Variants in ABCA10 observed in about 807,000 individuals in gnomAD.
ABCA10 encodes the protein ATP binding cassette subfamily A member 10.
In ABCA10, 169 loss-of-function variants were observed where a neutral mutation model predicts 187.5. The ratio of observed to expected loss-of-function variants is 0.90; its 90% CI spans 0.80 to 1.02. The LOEUF (loss-of-function observed/expected upper bound fraction) is 1.02. ABCA10 is among the 50% of genes least tolerant of loss of function. The pLI is 0.00. For synonymous variants in ABCA10, 574 were observed against 601.8 expected (o/e 0.95, Z 0.68); for missense variants, 1,727 against 1,812.4 (o/e 0.95, Z 0.86).
intron 28 of ABCA10, among the ~76,000 whole-genome samples, chr17:69,156,408 A>G (rs946268989): frequency 1.9e-4 from 29 of 152,294 alleles, no homozygotes; most frequent in African/African-American, 6.7e-4. Flanking sequence ...ATCAGAACCT[A>G]TGACTTAGAA....
intron 22 of ABCA10, among the ~76,000 whole-genome samples, chr17:69,181,724 A>G (rs2074382116): frequency 6.6e-6 from 1 of 152,066 alleles, no homozygotes; most frequent in Non-Finnish European, 1.5e-5. Context: ...AATAAGTAAT[A>G]GCAAACATGT....
intron 1 of ABCA10, among the ~76,000 whole-genome samples, chr17:69,239,733 GCTCT>G (rs2074893182): frequency 6.6e-6 from 1 of 152,066 alleles, no homozygotes. Context: ...CACCCCCATT[GCTCT>G]CTGTGAGCCC....
chr17:69,150,286 T>C (rs547307595), intron 36 of ABCA10: 59 of 421,212 alleles, frequency 1.4e-4, no homozygotes, highest in African/African-American at 7.3e-4. Flanking sequence ...TTCTGAGAAA[T>C]AGCTCTGATT....
intron 25 of ABCA10, among the ~76,000 whole-genome samples, chr17:69,166,287 C>T (rs1009835259): frequency 1.3e-5 from 2 of 151,424 alleles, no homozygotes; most frequent in Middle Eastern, 6.8e-3. Flanking sequence ...TAGGAATTGC[C>T]ACTAGTGATT....
intron 25 of ABCA10, among the ~76,000 whole-genome samples, chr17:69,167,715 T>C (rs189266312): frequency 6.6e-6 from 1 of 152,284 alleles, no homozygotes; most frequent in East Asian, 1.9e-4. Context: ...TTAGACAATC[T>C]GAAAGAAGGA....
chr17:69,216,433 A>T lies in ABCA10; in HGVS notation c.531-75T>A, dbSNP rs9912127. 103 of 1,472,294 alleles carry T rather than the reference A, an allele frequency of 7.0e-5. 1 individual carries two copies. The highest frequency in any genetic ancestry group is 8.8e-5 in the Non-Finnish European group (97 of 1,099,164). The allele number at this position is 1,472,294 out of a possible 1,614,324, so 91.2% of individuals were successfully genotyped here. A position where few individuals can be genotyped will look rare whatever the true frequency, so the allele number is the denominator to read the frequency against. On this transcript the variant is annotated intron_variant, in intron 6 of 38. Transcript: ENST00000690296. ...GGAGAGGTAATGTGCGAAATGGTTA[A>T]GAGTAAAAGCTCTGAAATCAGGACT...
chr17:69,191,082 A>G (rs1598105787), intron 17 of ABCA10, 94 bp downstream of exon 17: 1 of 1,148,772 alleles, frequency 8.7e-7, no homozygotes, highest in East Asian at 3.0e-5. Context: ...TCATTTGTAT[A>G]AGCTTTAGAA....
chr17:69,223,656 T>C (rs1185767754), intron 3 of ABCA10: 11 of 449,112 alleles, frequency 2.4e-5, no homozygotes, highest in Admixed American at 2.2e-4. Context: ...CTTCCCAATA[T>C]AGAGTCAGGC....
At chr17:69,231,632 A>C (rs2074832627), upstream of ABCA10, among the ~76,000 whole-genome samples, 1 of 152,088 alleles carries the variant, frequency 6.6e-6, no homozygotes, top group African/African-American at 2.4e-5. Context: ...CAGAAAAGCT[A>C]CTTGATGTAA....
chr17:69,190,129 C>G (rs1252819019), intron 18 of ABCA10, among the ~76,000 whole-genome samples: 1 of 152,010 alleles, frequency 6.6e-6, no homozygotes, highest in Non-Finnish European at 1.5e-5. Flanking sequence ...GGGAAGCAGA[C>G]AGATGTTGGA....
chr17:69,235,435 T>C (rs1201209168), intron 1 of ABCA10, among the ~76,000 whole-genome samples: 1 of 152,218 alleles, frequency 6.6e-6, no homozygotes, highest in Non-Finnish European at 1.5e-5. Context: ...CCTCTTACTT[T>C]GTTCTAACCT....
intron 10 of ABCA10, among the ~76,000 whole-genome samples, chr17:69,199,122 C>A (rs2074525773): frequency 6.6e-6 from 1 of 152,154 alleles, no homozygotes; most frequent in Admixed American, 6.5e-5. Context: ...CTTCACATAC[C>A]CCACCATACT....
At position 69,182,825 on chromosome 17, in the gene ABCA10, A is replaced by G; in HGVS notation, c.2498-17T>C. The G allele has an allele frequency of 6.7e-7, 1 of 1,481,498 alleles. No homozygotes were observed. Among genetic ancestry groups the G allele is most frequent in the East Asian group, 2.3e-5 (1 of 43,306 alleles). 91.8% of individuals were successfully genotyped at this position (1,481,498 alleles called of 1,614,324 possible). A position where few individuals can be genotyped will look rare whatever the true frequency, so the allele number is the denominator to read the frequency against. ...TATTTGATCCTAACATAGTGGAAGGAAGGCAACAAGAAAAAAAAAAAAAAA... is the reference window on the plus strand; with the variant it reads ...TATTTGATCCTAACATAGTGGAAGGGAGGCAACAAGAAAAAAAAAAAAAAA... On this transcript the variant is annotated splice_polypyrimidine_tract_variant and intron_variant, in intron 20 of 38. Coordinates refer to ENST00000690296, the MANE Select transcript of ABCA10 (RefSeq NM_001377321.1).
At chr17:69,240,522 G>T (rs1420068735) in intron 1 of ABCA10, among the ~76,000 whole-genome samples, 1 of 152,182 alleles carries the variant, frequency 6.6e-6, no homozygotes, top group African/African-American at 2.4e-5. Flanking sequence ...TGGAGGGTTT[G>T]GAGTGGCTAA....
chr17:69,191,382 GT>G, intron 16 of ABCA10, 67 bp from the exon 17 acceptor site: 1 of 1,392,156 alleles, frequency 7.2e-7, no homozygotes, highest in Non-Finnish European at 9.4e-7. Context: ...TGAAAAGATA[GT>G]TTTCTATTAA....
chr17:69,236,208 TA>T (rs1223824882), intron 1 of ABCA10, among the ~76,000 whole-genome samples: 2 of 152,228 alleles, frequency 1.3e-5, no homozygotes, highest in East Asian at 3.8e-4. Flanking sequence ...ACTGTCTTTA[TA>T]AACAGTTTAT....
intron 25 of ABCA10, among the ~76,000 whole-genome samples, chr17:69,173,768 G>A (rs1198020222): frequency 2.0e-5 from 3 of 152,140 alleles, no homozygotes; most frequent in African/African-American, 7.2e-5. Flanking sequence ...GGAAGGAGAT[G>A]CAGTAGCATA....
In ABCA10 at chr17:69,182,713, AG is replaced by A. The variant is rs1286631805; in HGVS notation, c.2592del (p.Ser865ProfsTer7). ...DFRNRNGSDD[P>X]SYNGAIIVSG... ...GACACTATGATGGCTCCATTGTAGG[AG>A]GGATCATCTGAGCCATTTCTGTTTC... On this transcript the variant is annotated frameshift_variant, in exon 21 of 39. Coordinates refer to ENST00000690296, the MANE Select transcript of ABCA10 (RefSeq NM_001377321.1). LOFTEE classifies it high-confidence loss of function. 6.2e-7 allele frequency: 1 copy of A among 1,612,156 alleles called. No homozygotes were observed. The highest frequency in any genetic ancestry group is 8.5e-7 in the Non-Finnish European group (1 of 1,179,508).
intron 22 of ABCA10, among the ~76,000 whole-genome samples, chr17:69,176,995 G>C (rs1408023047): frequency 6.6e-6 from 1 of 151,980 alleles, no homozygotes; most frequent in Admixed American, 6.6e-5. Flanking sequence ...CTAAATCTCT[G>C]CTTTTCTTTG....
Sources: allele counts gnomAD v4.1 joint callset (sites outside exome capture counted in the v4.1 genomes callset), GRCh38; gene constraint gnomAD v4.1.1; transcripts MANE v1.5; gene names NCBI Gene and HGNC (gene_info 2026-07-23, HGNC 2026-07-21).